SPICE1: variants seen among roughly 807,000 people sequenced by gnomAD.
SPICE1 encodes spindle and centriole-associated protein 1.
Under a neutral mutation model 102.7 loss-of-function variants are expected in SPICE1, and 75 were observed. That is an observed-to-expected ratio of 0.73 (90% CI 0.61 to 0.88). The LOEUF is 0.88. SPICE1 is among the 40% of genes least tolerant of loss of function. The pLI, the probability that SPICE1 is intolerant of heterozygous loss-of-function variation, is 0.00. For missense variants in SPICE1, 979 were observed against 1,020.1 expected, an observed-to-expected ratio of 0.96 and a Z score of 0.55; for synonymous variants, 308 against 350.3, an observed-to-expected ratio of 0.88 and a Z score of 1.35.
rs1559953485 is a variant in SPICE1, at chr3:113,443,415, T to C, written c.*1892A>G. 1 of 152,242 alleles carries C rather than the reference T, an allele frequency of 6.6e-6. No homozygotes were observed. Among genetic ancestry groups the C allele is most frequent in the Non-Finnish European group, 1.5e-5 (1 of 68,058 alleles). 9.4% of individuals were successfully genotyped at this position (152,242 alleles called of 1,614,324 possible). ...AGCTTCAAGTCTTGGCTTTACCTCTTACAAGCACTCTGTCATTAGACAACT... is the reference window on the plus strand; with the variant it reads ...AGCTTCAAGTCTTGGCTTTACCTCTCACAAGCACTCTGTCATTAGACAACT... On this transcript the variant is annotated 3_prime_UTR_variant, in exon 18 of 18. Coordinates refer to ENST00000295872, the MANE Select transcript of SPICE1 (RefSeq NM_144718.4).
chr3:113,482,369 C>G (rs7650671), intron 7 of SPICE1, among the ~76,000 whole-genome samples: 1 of 151,904 alleles, frequency 6.6e-6, no homozygotes, highest in Non-Finnish European at 1.5e-5. Context: ...ACCTGTTCAC[C>G]ATGATCACAG....
At chr3:113,465,604 GATGTTTTATAC>G in intron 11 of SPICE1, 38 bp downstream of exon 11, 1 of 1,547,100 alleles carries the variant, frequency 6.5e-7, no homozygotes, top group Non-Finnish European at 8.8e-7. Flanking sequence ...CATGTTTAAA[GATGTTTTATAC>G]CACTGAACAC....
At chr3:113,473,481 T>C (rs1027483067) in intron 7 of SPICE1, among the ~76,000 whole-genome samples, 2 of 152,024 alleles carry the variant, frequency 1.3e-5, no homozygotes, top group African/African-American at 2.4e-5. Context: ...AGACGCATAA[T>C]TGTCAGATTC....
intron 4 of SPICE1, among the ~76,000 whole-genome samples, chr3:113,494,679 AC>A (rs1936842484): frequency 6.6e-6 from 1 of 151,976 alleles, no homozygotes; most frequent in Non-Finnish European, 1.5e-5. Context: ...CACAATTGTG[AC>A]CCACCACATT....
intron 7 of SPICE1, among the ~76,000 whole-genome samples, chr3:113,480,412 A>T (rs992553840): frequency 6.6e-6 from 1 of 152,162 alleles, no homozygotes; most frequent in Non-Finnish European, 1.5e-5. Flanking sequence ...AGACACAAAA[A>T]AACTACAGAG....
intron 4 of SPICE1, among the ~76,000 whole-genome samples, chr3:113,496,099 A>G (rs1936879508): frequency 1.1e-5 from 1 of 94,300 alleles, no homozygotes; most frequent in African/African-American, 4.3e-5. Flanking sequence ...ATCAGCTATC[A>G]TTAATGTTAG....
chr3:113,466,029 T>C (rs926277907), intron 10 of SPICE1, among the ~76,000 whole-genome samples: 1 of 152,148 alleles, frequency 6.6e-6, no homozygotes, highest in Non-Finnish European at 1.5e-5. Context: ...ACTACATTTT[T>C]TGTAAAAAGA....
intron 8 of SPICE1, 80 bp downstream of exon 8, chr3:113,469,019 A>T: frequency 6.4e-7 from 1 of 1,564,450 alleles, no homozygotes; most frequent in Non-Finnish European, 8.7e-7. Flanking sequence ...AACTCAAATA[A>T]CATTCCTTCA....
At position 113,506,496 on chromosome 3, in the gene SPICE1, C is replaced by G; in HGVS notation, c.99+11G>C. 2 of 1,596,502 alleles carry G rather than the reference C, an allele frequency of 1.3e-6. No individual in the cohort carries two copies. The highest frequency in any genetic ancestry group is 1.7e-6 in the Non-Finnish European group (2 of 1,164,970). Reference sequence around the variant, plus strand: ...TAATGTTACATTATTTACTATCCCACCTATACTCACATCCCATTCTTGTTT... The same window carrying G: ...TAATGTTACATTATTTACTATCCCAGCTATACTCACATCCCATTCTTGTTT... On this transcript the variant is annotated intron_variant, in intron 2 of 17. Transcript: ENST00000295872.
chr3:113,502,799 G>T (rs947466679), intron 3 of SPICE1, among the ~76,000 whole-genome samples: 80 of 151,966 alleles, frequency 5.3e-4, no homozygotes, highest in African/African-American at 1.9e-3. Flanking sequence ...AGGAATGGGG[G>T]CTCAGACATG....
intron 15 of SPICE1, 78 bp downstream of exon 15, chr3:113,450,258 C>A (rs1935614122): frequency 6.4e-7 from 1 of 1,560,990 alleles, no homozygotes; most frequent in Non-Finnish European, 8.8e-7. Flanking sequence ...CTTCTTTTGG[C>A]TTAATATAAA....
chr3:113,480,924 G>GAAAGAAAGAAAGAAAGAAAGAAAGAA (rs1422707107), intron 7 of SPICE1, among the ~76,000 whole-genome samples: 15 of 139,530 alleles, frequency 1.1e-4, no homozygotes, highest in African/African-American at 4.3e-4. Flanking sequence ...AAGAAAGAAA[G>GAAAGAAAGAAAGAAAGAAAGAAAGAA]AAAGAAAAAA....
rs189793537 is a variant in SPICE1 at position 113,450,600 on chromosome 3, A to G, written c.2143-84T>C. ...CACGATTTTTTTTTTTTTTTTAGGC[A>G]GAGTCTCACTCTGTTGCCCAGGCTG... On this transcript the variant is annotated intron_variant, in intron 14 of 17. Coordinates refer to ENST00000295872, the MANE Select transcript of SPICE1 (RefSeq NM_144718.4). 9.8e-4 allele frequency: 1,275 copies of G among 1,307,086 alleles called. 11 individuals are homozygous for G. The African/African-American group carries it at 0.017, about 18-fold the overall frequency. The allele number at this position is 1,307,086 out of a possible 1,614,324, so 81.0% of individuals were successfully genotyped here.
intron 12 of SPICE1, among the ~76,000 whole-genome samples, chr3:113,458,893 C>T (rs1183647090): frequency 1.3e-5 from 2 of 151,676 alleles, no homozygotes; most frequent in African/African-American, 2.4e-5. Flanking sequence ...CCCCTCTGCC[C>T]GGCCGCCACC....
intron 2 of SPICE1, among the ~76,000 whole-genome samples, 157 bp from the exon 3 acceptor site, chr3:113,503,384 A>G (rs1937046440): frequency 6.6e-6 from 1 of 152,212 alleles, no homozygotes; most frequent in African/African-American, 2.4e-5. Context: ...ATATGAACAC[A>G]TATTAGTTTT....
Position 113,494,061 on chromosome 3 carries a change from G to T in SPICE1, c.373C>A (p.Arg125Ser). 1.2e-6 allele frequency: 2 copies of T among 1,610,300 alleles called. No individual in the cohort carries two copies. Among genetic ancestry groups the T allele is most frequent in the Non-Finnish European group, 8.5e-7 (1 of 1,178,474 alleles). Residue 125 changes from arginine to serine, a missense_variant, in exon 5 of 18, where the codon CGT becomes AGT. Transcript: ENST00000295872. ...LIAAAKELFP[R>S]RRTGFPNVTV... is the part of the protein sequence containing the mutation. ...TTGAATTGAATACCTGTGCGCCTAC[G>T]AGGAAACAGCTCTTTTGCTGCAGCT...
In SPICE1 at chr3:113,483,231, C is replaced by T. The variant is rs140679688; in HGVS notation, c.611+5714G>A. On this transcript the variant is annotated intron_variant, in intron 7 of 17. Coordinates refer to ENST00000295872, the MANE Select transcript of SPICE1 (RefSeq NM_144718.4). Reference sequence around the variant, plus strand: ...TGTCTGTTATTGGTGTATAAGAATGCTTGTGATTTTTGCACACTGATTTTG... The same window carrying T: ...TGTCTGTTATTGGTGTATAAGAATGTTTGTGATTTTTGCACACTGATTTTG... Among the ~76,000 whole-genome samples the T allele has an allele frequency of 3.9e-3, 598 of 152,224 alleles. 4 individuals are homozygous for T. The highest frequency in any genetic ancestry group is 0.013 in the African/African-American group (559 of 41,548).
At chr3:113,469,445 T>C (rs1373521029) in intron 7 of SPICE1, among the ~76,000 whole-genome samples, 1 of 146,310 alleles carries the variant, frequency 6.8e-6, no homozygotes, top group Non-Finnish European at 1.5e-5. Context: ...TATAATTAAT[T>C]ATATATAATT....
At chr3:113,466,964 A>T (rs546932399) in intron 10 of SPICE1, among the ~76,000 whole-genome samples, 162 of 151,600 alleles carry the variant, frequency 1.1e-3, no homozygotes, top group African/African-American at 3.6e-3. Context: ...CTGGAAAACC[A>T]CTTAAACCCG....
Sources: gnomAD v4.1 joint callset for allele counts (sites outside exome capture counted in the v4.1 genomes callset) on GRCh38, gnomAD v4.1.1 for gene constraint, MANE v1.5 for transcripts, NCBI Gene and HGNC (gene_info 2026-07-23, HGNC 2026-07-21) for gene names.